The following PKNOX2 variants were observed in gnomAD, a reference collection of about 807,000 sequenced individuals.
PKNOX2 encodes the protein homeobox protein PKNOX2.
A neutral mutation model predicts 53.1 loss-of-function variants in PKNOX2; 14 were observed. That is an observed-to-expected ratio of 0.26 (90% CI 0.17 to 0.41). The LOEUF is 0.41. Among genes scored for constraint, PKNOX2 ranks in the 10% least tolerant of loss-of-function variants. PKNOX2 has a pLI of 1.00. For missense variants in PKNOX2, 496 were observed against 602.8 expected (o/e 0.82, Z 1.85); for synonymous variants, 257 against 242.8 (o/e 1.06, Z -0.54).
chr11:125,316,448 C>T (rs958902742), intron 2 of PKNOX2, among the ~76,000 whole-genome samples: 1 of 152,170 alleles, frequency 6.6e-6, no homozygotes, highest in Non-Finnish European at 1.5e-5. Flanking sequence ...TCAGAGGTAG[C>T]CTTCCCAATC....
chr11:125,273,175 A>C (rs1177270863), intron 2 of PKNOX2, among the ~76,000 whole-genome samples: 1 of 152,180 alleles, frequency 6.6e-6, no homozygotes, highest in Non-Finnish European at 1.5e-5. Context: ...GAGTTCAGGG[A>C]TGGGTGTTTA....
At chr11:125,285,178 G>T (rs959799108) in intron 2 of PKNOX2, among the ~76,000 whole-genome samples, 1 of 152,018 alleles carries the variant, frequency 6.6e-6, no homozygotes, top group Non-Finnish European at 1.5e-5. Flanking sequence ...CAAGGCTAGG[G>T]GGGTGATTTG....
chr11:125,218,322 G>T (rs756908264), intron 1 of PKNOX2, among the ~76,000 whole-genome samples: 3 of 151,860 alleles, frequency 2.0e-5, no homozygotes, highest in African/African-American at 7.3e-5. Context: ...AGTGAGTGGG[G>T]TGGGGGCTCG....
intron 7 of PKNOX2, among the ~76,000 whole-genome samples, chr11:125,405,458 G>A (rs1955028097): frequency 6.6e-6 from 1 of 152,078 alleles, no homozygotes. Context: ...AGCTCTTCCT[G>A]GGCTGACGTG....
At chr11:125,415,234 CTTT>C (rs35920181) in intron 10 of PKNOX2, among the ~76,000 whole-genome samples, 148 of 77,560 alleles carry the variant, frequency 1.9e-3, no homozygotes, top group African/African-American at 4.0e-3. Flanking sequence ...TAAAGTTTAG[CTTT>C]TTTTTTTTTT....
At chr11:125,226,452 G>T (rs553726392) in intron 1 of PKNOX2, among the ~76,000 whole-genome samples, 2 of 152,162 alleles carry the variant, frequency 1.3e-5, no homozygotes, top group Non-Finnish European at 2.9e-5. Context: ...TGGTACAGCC[G>T]CTGGGTTGAA....
chr11:125,239,279 A>T (rs1942973638), intron 2 of PKNOX2, among the ~76,000 whole-genome samples: 1 of 152,236 alleles, frequency 6.6e-6, no homozygotes, highest in African/African-American at 2.4e-5. Flanking sequence ...GCAAAACACT[A>T]GCCAGGTATA....
chr11:125,416,775 G>T (rs1555173694), intron 10 of PKNOX2, among the ~76,000 whole-genome samples: 1 of 152,038 alleles, frequency 6.6e-6, no homozygotes, highest in Non-Finnish European at 1.5e-5. Flanking sequence ...AATAGGGATT[G>T]GTTGTGAGAA....
chr11:125,299,974 G>A (rs1467606757), intron 2 of PKNOX2, among the ~76,000 whole-genome samples: 1 of 152,244 alleles, frequency 6.6e-6, no homozygotes, highest in African/African-American at 2.4e-5. Context: ...TGAGCCTTAG[G>A]CCTGTGGGAG....
intron 2 of PKNOX2, among the ~76,000 whole-genome samples, chr11:125,245,241 C>T (rs1943469748): frequency 6.6e-6 from 1 of 152,118 alleles, no homozygotes; most frequent in Admixed American, 6.5e-5. Flanking sequence ...CTTTAGGAGT[C>T]CTACTAATAT....
intron 10 of PKNOX2, among the ~76,000 whole-genome samples, chr11:125,419,801 C>T (rs1412323005): frequency 1.3e-5 from 2 of 148,670 alleles, no homozygotes; most frequent in Admixed American, 6.8e-5. Context: ...GAGGCCAAGG[C>T]GGGAGGATTG....
intron 1 of PKNOX2, chr11:125,190,122 CACCGTGTTGGCCAGGATGGTCTCG>C (rs1956791008): frequency 6.6e-6 from 1 of 152,152 alleles, no homozygotes; most frequent in South Asian, 2.1e-4. Flanking sequence ...GATGGGGTTT[CACCGTGTTGGCCAGGATGGTCTCG>C]ATCTCTTGAC....
At chr11:125,248,401 G>A (rs1943722162) in intron 2 of PKNOX2, among the ~76,000 whole-genome samples, 1 of 152,184 alleles carries the variant, frequency 6.6e-6, no homozygotes, top group Middle Eastern at 3.4e-3. Context: ...TACTCTACAG[G>A]CAAAGCCTCC....
At chr11:125,374,835 G>A (rs1952746084) in intron 5 of PKNOX2, among the ~76,000 whole-genome samples, 1 of 151,350 alleles carries the variant, frequency 6.6e-6, no homozygotes. Context: ...GGCTCTTGGT[G>A]AATGGTATCT....
chr11:125,330,208 T>C (rs183903654), intron 2 of PKNOX2: 3 of 152,088 alleles, frequency 2.0e-5, no homozygotes, highest in African/African-American at 4.8e-5. Context: ...AGTGGGATAG[T>C]GATGGGGGAG....
intron 2 of PKNOX2, among the ~76,000 whole-genome samples, chr11:125,236,047 T>TACTATATACTATCCAA (rs1942654863): frequency 1.3e-5 from 2 of 152,202 alleles, no homozygotes; most frequent in African/African-American, 4.8e-5. Context: ...TTCCAACCAG[T>TACTATATACTATCCAA]CCATGGAATT....
At chr11:125,296,638 A>G (rs759576594) in intron 2 of PKNOX2, among the ~76,000 whole-genome samples, 4 of 151,812 alleles carry the variant, frequency 2.6e-5, no homozygotes, top group African/African-American at 7.3e-5. Flanking sequence ...TTATTTATTT[A>G]TTTATTTTTA....
intron 3 of PKNOX2, among the ~76,000 whole-genome samples, chr11:125,334,205 C>T (rs935800402): frequency 6.6e-6 from 1 of 152,218 alleles, no homozygotes; most frequent in African/African-American, 2.4e-5. Flanking sequence ...AGCCCATCTT[C>T]TTCTGAGCCT....
intron 1 of PKNOX2, among the ~76,000 whole-genome samples, chr11:125,210,869 T>A (rs1939761101): frequency 6.6e-6 from 1 of 152,124 alleles, no homozygotes; most frequent in Non-Finnish European, 1.5e-5. Context: ...GGCGTCCTGT[T>A]GTGTAGAAGT....
Sources: gnomAD v4.1 joint callset for allele counts (sites outside exome capture counted in the v4.1 genomes callset) on GRCh38, gnomAD v4.1.1 for gene constraint, MANE v1.5 for transcripts, NCBI Gene and HGNC (gene_info 2026-07-23, HGNC 2026-07-21) for gene names.